The following ALG10B variants were observed in gnomAD, a reference collection of about 807,000 sequenced individuals.
ALG10B encodes dol-P-Glc:Glc(2)Man(9)GlcNAc(2)-PP-Dol alpha-1,2-glucosyltransferase B.
Under a neutral mutation model 38.7 loss-of-function variants are expected in ALG10B, and 27 were observed. That is an observed-to-expected ratio of 0.70 (90% confidence interval 0.51 to 0.96). ALG10B has a LOEUF of 0.96. Among genes scored for constraint, ALG10B ranks in the 40% least tolerant of loss-of-function variants. ALG10B has a pLI of 0.00. For missense variants in ALG10B, 522 were observed against 542.7 expected, an observed-to-expected ratio of 0.96 and a Z score of 0.38; for synonymous variants, 177 against 193.3, an observed-to-expected ratio of 0.92 and a Z score of 0.70.
At chr12:38,317,318 T>A (rs1945664611) in intron 1 of ALG10B, 1 of 587,890 alleles carries the variant, frequency 1.7e-6, no homozygotes, top group South Asian at 2.3e-5. Context: ...AACTGAGCGC[T>A]CCTCTTGGCA....
chr12:38,323,868 G>A lies in ALG10B; in HGVS notation c.*2655G>A. 2 of 701,106 alleles carry A rather than the reference G, an allele frequency of 2.9e-6. No homozygotes were observed. The highest frequency in any genetic ancestry group is 1.5e-5 in the South Asian group (1 of 67,164). The allele number at this position is 701,106 out of a possible 1,614,324, so 43.4% of individuals were successfully genotyped here. ...AAAAAGAATGTGTAATTTAGGGAAA[G>A]TAACTTTTTGTCTGATAATATTAAT... On this transcript the variant is annotated 3_prime_UTR_variant, in exon 3 of 3. Transcript: ENST00000308742.
chr12:38,316,976 G>T lies in ALG10B; in HGVS notation c.83G>T (p.Ser28Ile). 2.5e-6 allele frequency: 4 copies of T among 1,614,162 alleles called. No homozygotes were observed. Among genetic ancestry groups the T allele is most frequent in the Non-Finnish European group, 1.7e-6 (2 of 1,180,024 alleles). ...LVSCLLFSAF[S>I]RALREPYMDE... ...TCCTGCCTCCTCTTCTCCGCCTTCA[G>T]CCGGGCGCTGCGAGAGCCCTACATG... Residue 28 changes from serine (S) to isoleucine (I), a missense_variant, in exon 1 of 3, where the codon AGC becomes ATC. Ser to Ile is a moderately radical substitution (Grantham distance 142). Coordinates refer to ENST00000308742, the MANE Select transcript of ALG10B (RefSeq NM_001013620.4).
rs1300985508 is a variant in ALG10B at position 38,329,570 on chromosome 12, C to G, written c.*8357C>G. The G allele has an allele frequency of 4.8e-6, 1 of 207,016 alleles. No individual in the cohort carries two copies. The highest frequency in any genetic ancestry group is 2.3e-5 in the African/African-American group (1 of 43,890). The allele number at this position is 207,016 out of a possible 1,614,324, so 12.8% of individuals were successfully genotyped here. A position where few individuals can be genotyped will look rare whatever the true frequency, so the allele number is the denominator to read the frequency against. On this transcript the variant is annotated 3_prime_UTR_variant, in exon 3 of 3. Transcript: ENST00000308742. ...TTTAAGTTATGTATTACATACTATTCTCTAAAATAGAAATGTTTATTTGGC... is the reference window on the plus strand; with the variant it reads ...TTTAAGTTATGTATTACATACTATTGTCTAAAATAGAAATGTTTATTTGGC...
At position 38,321,056 on chromosome 12, in the gene ALG10B, A is replaced by G; in HGVS notation, c.1265A>G (p.Tyr422Cys). Residue 422 changes from tyrosine to cysteine, a missense_variant, in exon 3 of 3, where the codon TAT becomes TGT. Tyr to Cys is a radical substitution (Grantham distance 194). Coordinates refer to ENST00000308742, the MANE Select transcript of ALG10B (RefSeq NM_001013620.4). Reference protein sequence around the residue: ...LLEFRYFILPYVIYRLNITLP... With the variant: ...LLEFRYFILPCVIYRLNITLP... ...GAATTTCGTTACTTCATTTTACCTTATGTCATTTATAGGCTTAACATAACT... is the reference window on the plus strand; with the variant it reads ...GAATTTCGTTACTTCATTTTACCTTGTGTCATTTATAGGCTTAACATAACT... The G allele has an allele frequency of 6.2e-7, 1 of 1,613,700 alleles. No homozygotes were observed. The highest frequency in any genetic ancestry group is 8.5e-7 in the Non-Finnish European group (1 of 1,179,804).
chr12:38,319,220 C>A (rs1945681254), intron 2 of ALG10B, among the ~76,000 whole-genome samples: 1 of 152,016 alleles, frequency 6.6e-6, no homozygotes. Flanking sequence ...TTCAGTAAGT[C>A]CTCACAGAGA....
rs1353716111 is a variant in ALG10B, at chr12:38,324,929, T to C, written c.*3716T>C. The C allele has an allele frequency of 6.6e-6, 1 of 152,234 alleles. No individual in the cohort carries two copies. The allele number at this position is 152,234 out of a possible 1,614,324, so 9.4% of individuals were successfully genotyped here. A position where few individuals can be genotyped will look rare whatever the true frequency, so the allele number is the denominator to read the frequency against. ...TCTGGAGCCCTACAGTTACCATTAC[T>C]AAAGTCTGTGAGTATGTCTATTTTG... On this transcript the variant is annotated 3_prime_UTR_variant, in exon 3 of 3. Transcript: ENST00000308742.
intron 2 of ALG10B, 56 bp from the exon 3 acceptor site, chr12:38,320,105 G>A (rs1290838332): frequency 9.3e-5 from 149 of 1,600,736 alleles, no homozygotes; most frequent in Non-Finnish European, 1.2e-4. Context: ...CATTAGGTAA[G>A]CAGAAATAGC....
In ALG10B at chr12:38,323,361, G is replaced by A. The variant is rs574129394; in HGVS notation, c.*2148G>A. 1.3e-5 allele frequency: 2 copies of A among 152,382 alleles called. No homozygotes were observed. Among genetic ancestry groups the A allele is most frequent in the Non-Finnish European group, 2.9e-5 (2 of 68,220 alleles). 9.4% of individuals were successfully genotyped at this position (152,382 alleles called of 1,614,324 possible). ...AACTGCTGGGGTAGGATTATTTTGT[G>A]TTACTTTTTGAATTTTGTGTTTATT... On this transcript the variant is annotated 3_prime_UTR_variant, in exon 3 of 3. Transcript: ENST00000308742.
chr12:38,317,994 G>T (rs1378424563), intron 1 of ALG10B: 1 of 474,868 alleles, frequency 2.1e-6, no homozygotes, highest in Admixed American at 3.5e-5. Context: ...CAAAATAAAG[G>T]CTTTTAAAGA....
rs1945695273 is a variant in ALG10B at position 38,320,694 on chromosome 12, T to C, written c.903T>C (p.Phe301=). 4.3e-6 allele frequency: 7 copies of C among 1,613,966 alleles called. No homozygotes were observed. In the East Asian group the frequency reaches 1.6e-4, roughly 36 times the overall value. ...LFYFFSFTLF[F]SFPHLLSPSK... is the part of the protein sequence containing the mutation. The stretch of plus-strand genomic sequence containing the variant: ...ACTTTTTTTCATTTACTCTCTTTTT[T>C]TCTTTTCCTCATCTCCTGTCTCCTA... The change falls in exon 3 of 3, where the codon TTT becomes TTC. Residue 301 remains phenylalanine, a synonymous_variant. Coordinates refer to ENST00000308742, the MANE Select transcript of ALG10B (RefSeq NM_001013620.4).
At position 38,325,089 on chromosome 12, in the gene ALG10B, G is replaced by A. The variant is rs902288492; in HGVS notation, c.*3876G>A. The A allele has an allele frequency of 6.6e-6, 1 of 152,158 alleles. No homozygotes were observed. The highest frequency in any genetic ancestry group is 2.4e-5 in the African/African-American group (1 of 41,458). The allele number at this position is 152,158 out of a possible 1,614,324, so 9.4% of individuals were successfully genotyped here. Reference sequence around the variant, plus strand: ...AGCATGAGTAAGATTCAGGTATGCTGTGAATTTTGTTAACGTTTATGTTTT... The same window carrying A: ...AGCATGAGTAAGATTCAGGTATGCTATGAATTTTGTTAACGTTTATGTTTT... On this transcript the variant is annotated 3_prime_UTR_variant, in exon 3 of 3. Coordinates refer to ENST00000308742, the MANE Select transcript of ALG10B (RefSeq NM_001013620.4).
Position 38,326,896 on chromosome 12 carries a change from A to G in ALG10B, c.*5683A>G, listed in dbSNP as rs1945749074. 1 of 151,592 alleles carries G rather than the reference A, an allele frequency of 6.6e-6. No homozygotes were observed. The highest frequency in any genetic ancestry group is 2.4e-5 in the African/African-American group (1 of 41,388). The allele number at this position is 151,592 out of a possible 1,614,324, so 9.4% of individuals were successfully genotyped here. On this transcript the variant is annotated 3_prime_UTR_variant, in exon 3 of 3. Coordinates refer to ENST00000308742, the MANE Select transcript of ALG10B (RefSeq NM_001013620.4). ...AGGGTAAGAAATTCTGTCACAATATAATATCTCTATATTGTGCTTTTTTAA... is the reference window on the plus strand; with the variant it reads ...AGGGTAAGAAATTCTGTCACAATATGATATCTCTATATTGTGCTTTTTTAA...
At position 38,316,908 on chromosome 12, in the gene ALG10B, G is replaced by A. The variant is rs1331899219; in HGVS notation, c.15G>A (p.Glu5=). 6.2e-7 allele frequency: 1 copy of A among 1,614,182 alleles called. No homozygotes were observed. The highest frequency in any genetic ancestry group is 8.5e-7 in the Non-Finnish European group (1 of 1,180,046). Residue 5 remains glutamate (E), a synonymous_variant, in exon 1 of 3, where the codon GAG becomes GAA. Coordinates refer to ENST00000308742, the MANE Select transcript of ALG10B (RefSeq NM_001013620.4). MAQL[E]GYCFSAALSC... ...TGGGAGCAGGAATGGCGCAGCTAGA[G>A]GGTTACTGTTTCTCGGCCGCCTTGA...
chr12:38,323,327 T>C lies in ALG10B; in HGVS notation c.*2114T>C, dbSNP rs1169514793. ...AAATCCTTTGGTCTGACTTTGTAGATTAGGGAACAACTGCTGGGGTAGGAT... is the reference window on the plus strand; with the variant it reads ...AAATCCTTTGGTCTGACTTTGTAGACTAGGGAACAACTGCTGGGGTAGGAT... On this transcript the variant is annotated 3_prime_UTR_variant, in exon 3 of 3. Transcript: ENST00000308742. 2.0e-5 allele frequency: 3 copies of C among 152,410 alleles called. No homozygotes were observed. The highest frequency in any genetic ancestry group is 2.9e-5 in the Non-Finnish European group (2 of 68,218). 9.4% of individuals were successfully genotyped at this position (152,410 alleles called of 1,614,324 possible).
chr12:38,322,704 A>G lies in ALG10B; in HGVS notation c.*1491A>G, dbSNP rs1945713664. 6.6e-6 allele frequency: 1 copy of G among 152,192 alleles called. No homozygotes were observed. The highest frequency in any genetic ancestry group is 2.1e-4 in the South Asian group (1 of 4,836). 9.4% of individuals were successfully genotyped at this position (152,192 alleles called of 1,614,324 possible). On this transcript the variant is annotated 3_prime_UTR_variant, in exon 3 of 3. Coordinates refer to ENST00000308742, the MANE Select transcript of ALG10B (RefSeq NM_001013620.4). ...ACCATGTTGTGTAATAGATCTAAAA[A>G]AAGTCAAACATATTCCTTCTATCTA...
rs879180200 is a variant in ALG10B at position 38,327,464 on chromosome 12, C to T, written c.*6251C>T. 4.6e-5 allele frequency: 7 copies of T among 152,142 alleles called. No individual in the cohort carries two copies. In the South Asian group the frequency reaches 1.5e-3, roughly 32 times the overall value. 9.4% of individuals were successfully genotyped at this position (152,142 alleles called of 1,614,324 possible). A position where few individuals can be genotyped will look rare whatever the true frequency, so the allele number is the denominator to read the frequency against. ...TTTACAAATATTGTCTCATTTGATG[C>T]TACATTTATATTTCTATGAGGCAGA... On this transcript the variant is annotated 3_prime_UTR_variant, in exon 3 of 3. Transcript: ENST00000308742.
chr12:38,319,786 C>CT, intron 2 of ALG10B, among the ~76,000 whole-genome samples: 1 of 152,132 alleles, frequency 6.6e-6, no homozygotes, highest in Non-Finnish European at 1.5e-5. Context: ...TTATTGAAGG[C>CT]ACTAAAACAT....
At position 38,321,159 on chromosome 12, in the gene ALG10B, G is replaced by A. The variant is rs1367669538; in HGVS notation, c.1368G>A (p.Leu456=). The change falls in exon 3 of 3, where the codon CTG becomes CTA. Residue 456 remains leucine, a synonymous_variant. Coordinates refer to ENST00000308742, the MANE Select transcript of ALG10B (RefSeq NM_001013620.4). ...IVNFITFYIF[L]NKTFQWPNSQ... is the part of the protein sequence containing the mutation. ...ATTTCATAACTTTTTACATCTTTCTGAACAAGACTTTTCAGTGGCCAAATA... is the reference window on the plus strand; with the variant it reads ...ATTTCATAACTTTTTACATCTTTCTAAACAAGACTTTTCAGTGGCCAAATA... The A allele has an allele frequency of 6.2e-7, 1 of 1,612,602 alleles. No homozygotes were observed.
chr12:38,317,268 A>T (rs1872846), intron 1 of ALG10B: 761,979 of 776,648 alleles, frequency 0.98, 374,018 homozygotes, highest in East Asian at 1. Flanking sequence ...AGCAGATCTG[A>T]TCCCCAGGGA....
Sources: gnomAD v4.1 joint callset for allele counts (sites outside exome capture counted in the v4.1 genomes callset) on GRCh38, gnomAD v4.1.1 for gene constraint, MANE v1.5 for transcripts, NCBI Gene and HGNC (gene_info 2026-07-23, HGNC 2026-07-21) for gene names.